The following L3MBTL3 variants were observed in gnomAD, a reference collection of about 807,000 sequenced individuals.
The protein encoded by L3MBTL3 is L3MBTL histone methyl-lysine binding protein 3.
Under a neutral mutation model 102.3 loss-of-function variants are expected in L3MBTL3, and 27 were observed. That is an observed-to-expected ratio of 0.26 (90% CI 0.19 to 0.36). L3MBTL3 has a LOEUF of 0.36. Among genes scored for constraint, L3MBTL3 ranks in the 10% least tolerant of loss-of-function variants. L3MBTL3 has a pLI of 1.00. For synonymous variants in L3MBTL3, 340 were observed against 320.9 expected (o/e 1.06, Z -0.64); for missense variants, 798 against 955.3 (o/e 0.84, Z 2.17).
At chr6:130,087,974 T>C (rs1783796290) in intron 16 of L3MBTL3, among the ~76,000 whole-genome samples, 1 of 152,174 alleles carries the variant, frequency 6.6e-6, no homozygotes, top group Non-Finnish European at 1.5e-5. Context: ...CTGGAATATA[T>C]ATTACTTTTA....
intron 10 of L3MBTL3, 71 bp from the exon 11 acceptor site, chr6:130,066,282 T>TTC: frequency 3.7e-6 from 1 of 271,094 alleles, no homozygotes; most frequent in African/African-American, 3.0e-5. Context: ...ATGTTTATTT[T>TTC]TGTGTATATA....
chr6:130,088,641 A>G (rs1209460737), intron 16 of L3MBTL3, among the ~76,000 whole-genome samples: 2 of 152,208 alleles, frequency 1.3e-5, no homozygotes, highest in African/African-American at 4.8e-5. Context: ...TTTTAGTAAT[A>G]GAAGATTATT....
At chr6:130,042,848 G>A (rs533781917) in intron 3 of L3MBTL3, 47 bp downstream of exon 3, 16 of 1,217,476 alleles carry the variant, frequency 1.3e-5, no homozygotes, top group East Asian at 4.7e-5. Context: ...GCATCTGTGC[G>A]TATGCTTACT....
chr6:130,039,626 G>T (rs979163558), intron 2 of L3MBTL3, among the ~76,000 whole-genome samples: 4 of 151,192 alleles, frequency 2.6e-5, no homozygotes, highest in Non-Finnish European at 5.9e-5. Context: ...TGCTATATTA[G>T]AAATAGTTTA....
chr6:130,115,422 T>C (rs1785606040), intron 19 of L3MBTL3, among the ~76,000 whole-genome samples: 1 of 152,216 alleles, frequency 6.6e-6, no homozygotes, highest in Admixed American at 6.5e-5. Context: ...CGGAAATCGA[T>C]AAATCCCTAA....
intron 16 of L3MBTL3, among the ~76,000 whole-genome samples, chr6:130,089,223 C>G (rs960821852): frequency 4.6e-5 from 7 of 151,606 alleles, no homozygotes; most frequent in East Asian, 1.9e-4. Flanking sequence ...CCCTGCCCCC[C>G]ACCCCATGAC....
chr6:130,027,286 T>C (rs1057364664), intron 2 of L3MBTL3, among the ~76,000 whole-genome samples: 1 of 152,210 alleles, frequency 6.6e-6, no homozygotes, highest in Non-Finnish European at 1.5e-5. Flanking sequence ...GCGTATACTA[T>C]GTACCAGACC....
intron 22 of L3MBTL3, chr6:130,137,602 A>G (rs956991343): frequency 6.6e-6 from 1 of 151,702 alleles, no homozygotes. Context: ...CCAGCCACTA[A>G]GTTCTCTGGA....
chr6:130,050,928 G>T (rs564328577), intron 5 of L3MBTL3, among the ~76,000 whole-genome samples: 1 of 152,250 alleles, frequency 6.6e-6, no homozygotes, highest in African/African-American at 2.4e-5. Context: ...AAATATAGAA[G>T]AAGTTTCTAT....
chr6:130,115,810 A>G (rs750981182), intron 19 of L3MBTL3, among the ~76,000 whole-genome samples: 2 of 151,782 alleles, frequency 1.3e-5, no homozygotes, highest in Admixed American at 1.3e-4. Context: ...ATTGAATTGA[A>G]TTGAATTGTA....
chr6:130,090,029 A>C (rs1475277922), intron 16 of L3MBTL3, among the ~76,000 whole-genome samples: 1 of 152,172 alleles, frequency 6.6e-6, no homozygotes, highest in Non-Finnish European at 1.5e-5. Context: ...CTTTGCTGAC[A>C]GACTAGATTG....
chr6:130,025,877 G>A (rs1175832278), intron 2 of L3MBTL3, among the ~76,000 whole-genome samples: 3 of 152,128 alleles, frequency 2.0e-5, no homozygotes, highest in Non-Finnish European at 4.4e-5. Context: ...TTGAATGAAT[G>A]TATGTGTTGG....
In L3MBTL3 at chr6:130,120,993, T is replaced by C. The variant is rs182392598; in HGVS notation, c.1966+35T>C. The C allele has an allele frequency of 3.9e-6, 5 of 1,278,578 alleles. No individual in the cohort carries two copies. In the East Asian group the frequency reaches 1.2e-4, roughly 30 times the overall value. The allele number at this position is 1,278,578 out of a possible 1,614,324, so 79.2% of individuals were successfully genotyped here. A position where few individuals can be genotyped will look rare whatever the true frequency, so the allele number is the denominator to read the frequency against. ...ATAATTCTCATATTACTAATGTGTA[T>C]TACTGCTAATATGAAACAATCAAAG... On this transcript the variant is annotated intron_variant, in intron 20 of 22. Transcript: ENST00000361794.
rs757081187 is a variant in L3MBTL3, at chr6:130,051,280, G to C, written c.321G>C (p.Arg107Ser). 3 of 1,613,930 alleles carry C rather than the reference G, an allele frequency of 1.9e-6. No homozygotes were observed. Among genetic ancestry groups the C allele is most frequent in the Admixed American group, 1.7e-5 (1 of 60,018 alleles). The change falls in exon 6 of 23, where the codon AGG (arginine) becomes AGC (serine). Residue 107 changes from arginine to serine, a missense_variant. By Grantham distance (110) the Arg-to-Ser change is moderately radical. Coordinates refer to ENST00000361794, the MANE Select transcript of L3MBTL3 (RefSeq NM_032438.4). ...VFSEKTGMPF[R>S]LKDPVKVEGL... is the part of the protein sequence containing the mutation. Reference sequence around the variant, plus strand: ...CAGAGAAGACTGGGATGCCTTTCAGGTTGAAGGATCCAGTGAAAGTAGAAG... The same window carrying C: ...CAGAGAAGACTGGGATGCCTTTCAGCTTGAAGGATCCAGTGAAAGTAGAAG...
intron 1 of L3MBTL3, among the ~76,000 whole-genome samples, chr6:130,019,792 A>G (rs1562240443): frequency 6.6e-6 from 1 of 150,398 alleles, no homozygotes; most frequent in African/African-American, 2.4e-5. Context: ...CCTCCGGTTT[A>G]TTTCTGCCCG....
intron 20 of L3MBTL3, among the ~76,000 whole-genome samples, chr6:130,125,915 C>T (rs1027022368): frequency 2.6e-5 from 4 of 152,152 alleles, no homozygotes; most frequent in African/African-American, 9.7e-5. Context: ...CACACACACA[C>T]ACCCCTCTTA....
chr6:130,108,211 T>A (rs1419988608), intron 19 of L3MBTL3, among the ~76,000 whole-genome samples: 1 of 148,870 alleles, frequency 6.7e-6, no homozygotes, highest in Non-Finnish European at 1.5e-5. Flanking sequence ...CCTCAATAAA[T>A]GTTAGGTGGT....
intron 20 of L3MBTL3, among the ~76,000 whole-genome samples, chr6:130,128,562 G>A (rs1015119024): frequency 9.2e-5 from 14 of 152,100 alleles, no homozygotes; most frequent in Admixed American, 4.6e-4. Context: ...GCTTATGTCC[G>A]TTAGTCATAT....
At chr6:130,049,546 G>T (rs1231743143) in intron 4 of L3MBTL3, 153 bp downstream of exon 4, 18 of 710,012 alleles carry the variant, frequency 2.5e-5, no homozygotes, top group Non-Finnish European at 3.7e-5. Context: ...ACTGATAGGA[G>T]CCAGCATTTA....
Sources: gnomAD v4.1 joint callset for allele counts (sites outside exome capture counted in the v4.1 genomes callset) on GRCh38, gnomAD v4.1.1 for gene constraint, MANE v1.5 for transcripts, NCBI Gene and HGNC (gene_info 2026-07-23, HGNC 2026-07-21) for gene names.